The following XIRP2 variants were observed in gnomAD, a reference collection of about 807,000 sequenced individuals.
XIRP2 encodes the protein xin actin-binding repeat-containing protein 2.
A neutral mutation model predicts 277.0 loss-of-function variants in XIRP2; 236 were observed. That is an observed-to-expected ratio of 0.85 (90% CI 0.77 to 0.95). XIRP2 has a LOEUF of 0.95. Ranked by LOEUF, XIRP2 falls within the 40% of genes least tolerant of loss-of-function variation. The pLI, the probability that XIRP2 is intolerant of heterozygous loss-of-function variation, is 0.00. For missense variants in XIRP2, 4,640 were observed against 4,157.5 expected (o/e 1.12, Z -3.19); for synonymous variants, 1,490 against 1,416.5 (o/e 1.05, Z -1.17).
chr2:166,961,791 G>A (rs1290099155), intron 2 of XIRP2, among the ~76,000 whole-genome samples: 1 of 151,648 alleles, frequency 6.6e-6, no homozygotes, highest in Non-Finnish European at 1.5e-5. Flanking sequence ...CCTGAAATGT[G>A]TAAAATATAT....
intron 2 of XIRP2, among the ~76,000 whole-genome samples, chr2:167,074,537 T>C (rs1428473339): frequency 1.3e-5 from 2 of 152,136 alleles, no homozygotes; most frequent in African/African-American, 2.4e-5. Context: ...ATGGAACATA[T>C]TATTGAAAGT....
chr2:167,155,125 C>T (rs201947672), intron 3 of XIRP2, among the ~76,000 whole-genome samples: 1 of 146,310 alleles, frequency 6.8e-6, no homozygotes, highest in African/African-American at 2.6e-5. Context: ...ACCAAAAAGA[C>T]TCCAGGACCA....
chr2:167,182,248 G>T (rs186213595), intron 3 of XIRP2, among the ~76,000 whole-genome samples: 28 of 152,202 alleles, frequency 1.8e-4, no homozygotes, highest in African/African-American at 6.7e-4. Context: ...TAATTGGTGG[G>T]CTAGTGTTTT....
chr2:167,064,379 G>A (rs967609455), intron 2 of XIRP2, among the ~76,000 whole-genome samples: 4 of 151,708 alleles, frequency 2.6e-5, no homozygotes, highest in Admixed American at 1.3e-4. Flanking sequence ...ATTTTATAGC[G>A]CATACTTCTA....
chr2:166,981,736 G>A (rs1304214384), intron 2 of XIRP2, among the ~76,000 whole-genome samples: 1 of 152,100 alleles, frequency 6.6e-6, no homozygotes, highest in Non-Finnish European at 1.5e-5. Flanking sequence ...CAGTCGTGAT[G>A]GATTAGGGGT....
At chr2:167,188,615 G>C in intron 3 of XIRP2, among the ~76,000 whole-genome samples, 1 of 152,094 alleles carries the variant, frequency 6.6e-6, no homozygotes. Context: ...AAAACTATTG[G>C]GTCAGAAATG....
intron 2 of XIRP2, among the ~76,000 whole-genome samples, chr2:167,095,596 G>A (rs2105280255): frequency 6.6e-6 from 1 of 152,202 alleles, no homozygotes; most frequent in African/African-American, 2.4e-5. Context: ...CTTTGGTTCT[G>A]TTTATGTGAT....
chr2:167,012,452 A>C (rs889481151), intron 2 of XIRP2, among the ~76,000 whole-genome samples: 12 of 151,730 alleles, frequency 7.9e-5, no homozygotes, highest in African/African-American at 2.9e-4. Flanking sequence ...TGATTATAAT[A>C]CACCTAAAAA....
intron 2 of XIRP2, among the ~76,000 whole-genome samples, chr2:167,053,915 T>C (rs1217619307): frequency 2.0e-5 from 3 of 152,166 alleles, no homozygotes; most frequent in Non-Finnish European, 2.9e-5. Context: ...TGCAAAAAAA[T>C]TGTCACATTT....
In XIRP2 at chr2:167,245,930, C is replaced by T. The variant is rs1205269410; in HGVS notation, c.4538C>T (p.Thr1513Ile). Residue 1513 changes from threonine to isoleucine, a missense_variant, in exon 9 of 11, where the codon ACC becomes ATC. Coordinates refer to ENST00000409195, the MANE Select transcript of XIRP2 (RefSeq NM_152381.6). ...GCACATAAAGGTATCACAAAAATGACCAAGGAAGAAATCCCTCCTTCTGAT... is the reference window on the plus strand; with the variant it reads ...GCACATAAAGGTATCACAAAAATGATCAAGGAAGAAATCCCTCCTTCTGAT... ...MEAHKGITKM[T>I]KEEIPPSDVK... 2 of 1,613,582 alleles carry T rather than the reference C, an allele frequency of 1.2e-6. No individual in the cohort carries two copies. Among genetic ancestry groups the T allele is most frequent in the Admixed American group, 1.7e-5 (1 of 59,966 alleles).
chr2:167,025,599 T>C (rs1272206144), intron 2 of XIRP2, among the ~76,000 whole-genome samples: 2 of 151,906 alleles, frequency 1.3e-5, no homozygotes, highest in Non-Finnish European at 2.9e-5. Flanking sequence ...TTTAGTGCTA[T>C]AAATTTTCCT....
At chr2:166,912,412 C>T (rs183337739) in intron 2 of XIRP2, among the ~76,000 whole-genome samples, 1 of 152,332 alleles carries the variant, frequency 6.6e-6, no homozygotes, top group Non-Finnish European at 1.5e-5. Context: ...GCTATTGAAG[C>T]TTGTGCATTC....
intron 2 of XIRP2, among the ~76,000 whole-genome samples, chr2:167,015,047 A>G (rs1048701518): frequency 6.6e-6 from 1 of 151,812 alleles, no homozygotes; most frequent in Non-Finnish European, 1.5e-5. Context: ...CAAGAACAAT[A>G]TGCCTGGCTC....
chr2:167,155,008 A>C (rs1198434451), intron 3 of XIRP2, among the ~76,000 whole-genome samples: 3 of 151,890 alleles, frequency 2.0e-5, no homozygotes, highest in Admixed American at 6.6e-5. Context: ...GAAATGGATA[A>C]ATTCCTCAAC....
Position 167,249,047 on chromosome 2 carries a change from G to T in XIRP2, c.7655G>T (p.Arg2552Ile), listed in dbSNP as rs781218428. The change falls in exon 9 of 11, where the codon AGA becomes ATA. Residue 2552 changes from arginine (R) to isoleucine (I), a missense_variant. Transcript: ENST00000409195. ...TTAATGATTGCTGAAGAAAAATATA[G>T]ACAACAAAAAGAAGAAATTGAAAAA... ...TPLMIAEEKY[R>I]QQKEEIEKQK... 1.9e-6 allele frequency: 3 copies of T among 1,611,212 alleles called. No individual in the cohort carries two copies. The highest frequency in any genetic ancestry group is 8.5e-7 in the Non-Finnish European group (1 of 1,179,232).
At chr2:166,952,403 A>AT (rs1337525251) in intron 2 of XIRP2, among the ~76,000 whole-genome samples, 1 of 152,050 alleles carries the variant, frequency 6.6e-6, no homozygotes, top group Non-Finnish European at 1.5e-5. Flanking sequence ...AGGTCTTTAT[A>AT]TGCCAGTATT....
At chr2:167,105,270 T>C (rs1690588080) in intron 2 of XIRP2, among the ~76,000 whole-genome samples, 1 of 151,976 alleles carries the variant, frequency 6.6e-6, no homozygotes, top group Non-Finnish European at 1.5e-5. Flanking sequence ...CATCACCACA[T>C]AGATCCTTCC....
intron 2 of XIRP2, among the ~76,000 whole-genome samples, chr2:167,085,261 G>A (rs1574239130): frequency 6.6e-6 from 1 of 151,754 alleles, no homozygotes; most frequent in Admixed American, 6.6e-5. Flanking sequence ...TTTTGAGTGA[G>A]TTTCTTAATC....
chr2:167,018,228 A>G (rs1687884339), intron 2 of XIRP2, among the ~76,000 whole-genome samples: 1 of 151,984 alleles, frequency 6.6e-6, no homozygotes, highest in Non-Finnish European at 1.5e-5. Flanking sequence ...CCCCAGTACC[A>G]TAGCATTTTC....
Sources: allele counts gnomAD v4.1 joint callset (sites outside exome capture counted in the v4.1 genomes callset), GRCh38; gene constraint gnomAD v4.1.1; transcripts MANE v1.5; gene names NCBI Gene and HGNC (gene_info 2026-07-23, HGNC 2026-07-21).